The following BAZ2B variants were observed in gnomAD, a reference collection of about 807,000 sequenced individuals.
BAZ2B encodes the protein bromodomain adjacent to zinc finger domain protein 2B.
In BAZ2B, 91 loss-of-function variants were observed where a neutral mutation model predicts 246.0. The ratio of observed to expected loss-of-function variants is 0.37; its 90% CI spans 0.31 to 0.44. The LOEUF (loss-of-function observed/expected upper bound fraction) is 0.44, where lower values mean the gene tolerates loss of function less well. Among genes scored for constraint, BAZ2B ranks in the 20% least tolerant of loss-of-function variants. The probability of loss-of-function intolerance (pLI) is 1.00; values close to 1 mark genes in which losing one functional copy is unlikely to be tolerated. For missense variants in BAZ2B, 2,332 were observed against 2,533.7 expected (o/e 0.92, Z 1.71); for synonymous variants, 855 against 860.0 (o/e 0.99, Z 0.10).
intron 2 of BAZ2B, among the ~76,000 whole-genome samples, chr2:159,537,860 G>A (rs188238831): frequency 6.1e-4 from 93 of 151,988 alleles, no homozygotes; most frequent in African/African-American, 2.2e-3. Context: ...TGAAGTAAGT[G>A]TGTATGTTAA....
At chr2:159,339,266 C>T (rs974416553) in intron 31 of BAZ2B, among the ~76,000 whole-genome samples, 20 of 152,054 alleles carry the variant, frequency 1.3e-4, no homozygotes, top group Non-Finnish European at 2.1e-4. Context: ...GGCACTGAGA[C>T]GATCACCAGC....
chr2:159,519,210 C>CT (rs564614568), intron 2 of BAZ2B, among the ~76,000 whole-genome samples: 3,007 of 57,592 alleles, frequency 0.052, 643 homozygotes, highest in Non-Finnish European at 0.065. Context: ...ATTCTATTTT[C>CT]TTTTTTTTTT....
the BAZ2B span, among the ~76,000 whole-genome samples, chr2:159,701,587 G>A: frequency 2.7e-5 from 4 of 148,996 alleles, no homozygotes; most frequent in Non-Finnish European, 5.9e-5. Context: ...AGTTGTATTT[G>A]TAGTTTTAAA....
Position 159,453,605 on chromosome 2 carries a change from A to G in BAZ2B, c.334+8T>C, listed in dbSNP as rs1477417922. On this transcript the variant is annotated splice_region_variant and intron_variant, in intron 4 of 36. Coordinates refer to ENST00000392783, the MANE Select transcript of BAZ2B (RefSeq NM_013450.4). ...TTCCCTTGAACACTGTTTGTAACAG[A>G]TGTTTACCTGGAAAAGATGCTAGTT... is the stretch of plus-strand genomic sequence containing the variant. The G allele has an allele frequency of 6.3e-7, 1 of 1,594,448 alleles. No homozygotes were observed. The highest frequency in any genetic ancestry group is 2.3e-5 in the East Asian group (1 of 44,068).
intron 27 of BAZ2B, among the ~76,000 whole-genome samples, chr2:159,357,202 C>T (rs937600292): frequency 6.6e-6 from 1 of 151,836 alleles, no homozygotes; most frequent in East Asian, 1.9e-4. Flanking sequence ...ATGTTCTAAC[C>T]CAATGCGATG....
At chr2:159,614,696 A>T (rs550604138) in intron 1 of BAZ2B, among the ~76,000 whole-genome samples, 3 of 152,230 alleles carry the variant, frequency 2.0e-5, no homozygotes, top group Non-Finnish European at 4.4e-5. Context: ...TTTTGCATAT[A>T]ATCTTCCACC....
At chr2:159,550,890 C>A (rs1231472670) in intron 2 of BAZ2B, among the ~76,000 whole-genome samples, 1 of 152,056 alleles carries the variant, frequency 6.6e-6, no homozygotes, top group East Asian at 1.9e-4. Flanking sequence ...GGCTGGAGTA[C>A]AATGGTACAA....
intron 14 of BAZ2B, among the ~76,000 whole-genome samples, chr2:159,405,848 C>T (rs948509289): frequency 2.6e-5 from 4 of 151,868 alleles, no homozygotes; most frequent in African/African-American, 9.7e-5. Flanking sequence ...AAAACAAATA[C>T]AAAGTCCCCT....
At chr2:159,617,453 A>G (rs938156614), upstream of BAZ2B, among the ~76,000 whole-genome samples, 2 of 151,460 alleles carry the variant, frequency 1.3e-5, no homozygotes, top group African/African-American at 4.9e-5. Context: ...ATAACACTTT[A>G]TTAGCCAAGA....
At position 159,325,689 on chromosome 2, in the gene BAZ2B, G is replaced by T. The variant is rs764292704; in HGVS notation, c.6173C>A (p.Pro2058His). The change falls in exon 35 of 37, where the codon CCT becomes CAT. Residue 2058 changes from proline (P) to histidine (H), a missense_variant. Pro to His is a moderately conservative substitution (Grantham distance 77). Coordinates refer to ENST00000392783, the MANE Select transcript of BAZ2B (RefSeq NM_013450.4). The stretch of plus-strand genomic sequence containing the variant: ...TAGGTCCTTGGAGTCATCTCTTTTA[G>T]GTTTCTTAACTGAAGTAAAACTTTC... ...KQESFTSVKK[P>H]KRDDSKDLAL... 1 of 1,594,058 alleles carries T rather than the reference G, an allele frequency of 6.3e-7. No homozygotes were observed. The highest frequency in any genetic ancestry group is 8.5e-7 in the Non-Finnish European group (1 of 1,175,612).
chr2:159,673,383 A>C, the BAZ2B span, among the ~76,000 whole-genome samples: 1 of 152,224 alleles, frequency 6.6e-6, no homozygotes, highest in African/African-American at 2.4e-5. Flanking sequence ...CTGTGAGGAA[A>C]TAGGAACTTA....
intron 14 of BAZ2B, among the ~76,000 whole-genome samples, chr2:159,409,560 C>A (rs2066499205): frequency 6.6e-6 from 1 of 152,092 alleles, no homozygotes; most frequent in African/African-American, 2.4e-5. Flanking sequence ...TATTCTGAAA[C>A]TTTCTTCAAA....
chr2:159,537,914 T>C (rs1186380733), intron 2 of BAZ2B, among the ~76,000 whole-genome samples: 1 of 152,238 alleles, frequency 6.6e-6, no homozygotes, highest in Admixed American at 6.5e-5. Context: ...TTCCTCAGTC[T>C]CATGAAATCC....
At chr2:159,613,639 T>C (rs912269421) in intron 1 of BAZ2B, among the ~76,000 whole-genome samples, 7 of 152,174 alleles carry the variant, frequency 4.6e-5, no homozygotes, top group African/African-American at 1.7e-4. Context: ...GTGTTTACAA[T>C]AGGTGTGAGA....
At chr2:159,322,284 T>C (rs923777048) in intron 36 of BAZ2B, among the ~76,000 whole-genome samples, 3 of 152,208 alleles carry the variant, frequency 2.0e-5, no homozygotes, top group Non-Finnish European at 4.4e-5. Flanking sequence ...GAAATTCACA[T>C]AAAATTAACC....
chr2:159,451,316 C>T (rs1340570584), intron 4 of BAZ2B, among the ~76,000 whole-genome samples: 3 of 152,088 alleles, frequency 2.0e-5, no homozygotes, highest in African/African-American at 7.2e-5. Flanking sequence ...ATGCATAATA[C>T]TTTAGAAAGT....
intron 1 of BAZ2B, among the ~76,000 whole-genome samples, chr2:159,567,191 C>G (rs751895908): frequency 6.6e-6 from 1 of 151,372 alleles, no homozygotes; most frequent in South Asian, 2.1e-4. Context: ...TGTAGTGAGC[C>G]GAGATCACAC....
chr2:159,326,668 T>TA (rs35474145), intron 34 of BAZ2B, among the ~76,000 whole-genome samples: 53,916 of 152,092 alleles, frequency 0.35, 12,467 homozygotes, highest in Non-Finnish European at 0.53. Flanking sequence ...TTTTCTCACT[T>TA]AAAAAATAAG....
At chr2:159,455,153 TTTAA>T (rs1273350421) in intron 3 of BAZ2B, among the ~76,000 whole-genome samples, 2 of 152,148 alleles carry the variant, frequency 1.3e-5, no homozygotes, top group African/African-American at 4.8e-5. Context: ...TGCACTGCAA[TTTAA>T]TTAGTTTTAA....
Sources: allele counts gnomAD v4.1 joint callset (sites outside exome capture counted in the v4.1 genomes callset), GRCh38; gene constraint gnomAD v4.1.1; transcripts MANE v1.5; gene names NCBI Gene and HGNC (gene_info 2026-07-23, HGNC 2026-07-21).